The following UTS2B variants were observed in gnomAD, a reference collection of about 807,000 sequenced individuals.
UTS2B encodes urotensin-2B.
A neutral mutation model predicts 19.2 loss-of-function variants in UTS2B; 21 were observed. The ratio of observed to expected loss-of-function variants is 1.09; its 90% CI spans 0.78 to 1.58. The LOEUF is 1.58. Among genes scored for constraint, UTS2B ranks in the 40% most tolerant of loss-of-function variants. The pLI is 0.00. For synonymous variants in UTS2B, 57 were observed against 50.2 expected (o/e 1.14, Z -0.58); for missense variants, 138 against 130.3 (o/e 1.06, Z -0.29).
At chr3:191,330,321 ACAC>A (rs764939843) in intron 1 of UTS2B, 90 bp downstream of exon 1, 52 of 153,214 alleles carry the variant, frequency 3.4e-4, no homozygotes, top group East Asian at 1.2e-3. Context: ...ACACACACAC[ACAC>A]ACACAATAGT....
At chr3:191,296,489 A>G (rs990625025) in intron 4 of UTS2B, among the ~76,000 whole-genome samples, 1 of 152,202 alleles carries the variant, frequency 6.6e-6, no homozygotes, top group Non-Finnish European at 1.5e-5. Flanking sequence ...ACAAGCTTCA[A>G]TATGCCACTG....
chr3:191,280,702 A>G (rs1457411025), intron 5 of UTS2B, among the ~76,000 whole-genome samples: 2 of 152,162 alleles, frequency 1.3e-5, no homozygotes, highest in Non-Finnish European at 2.9e-5. Context: ...GTAATCTAGC[A>G]AATGATTTAG....
chr3:191,292,694 T>A (rs1716751446), intron 4 of UTS2B, among the ~76,000 whole-genome samples: 1 of 152,228 alleles, frequency 6.6e-6, no homozygotes, highest in Non-Finnish European at 1.5e-5. Flanking sequence ...CAATGTTGAA[T>A]AAAAGTGGTG....
chr3:191,329,829 G>T, intron 1 of UTS2B: 1 of 1,185,240 alleles, frequency 8.4e-7, no homozygotes, highest in Non-Finnish European at 1.2e-6. Flanking sequence ...CTCGCCCGGT[G>T]CCCGCCCTGC....
chr3:191,337,684 T>A, the UTS2B span, among the ~76,000 whole-genome samples: 1 of 152,110 alleles, frequency 6.6e-6, no homozygotes, highest in African/African-American at 2.4e-5. Context: ...CCGGTAAATT[T>A]CTGGGGACTT....
At chr3:191,328,242 G>A (rs1201270403) in intron 2 of UTS2B, 1 of 152,176 alleles carries the variant, frequency 6.6e-6, no homozygotes, top group Non-Finnish European at 1.5e-5. Context: ...GTGAGTGACA[G>A]AAAATCAACT....
rs757282627 is a variant in UTS2B at position 191,268,378 on chromosome 3, T to C, written c.*38A>G. On this transcript the variant is annotated 3_prime_UTR_variant, in exon 9 of 9. Transcript: ENST00000340524. ...GAGTGAGTAGATACATATATTTTCC[T>C]GATATTCTTATCTTTTTTTGCATCC... is the stretch of plus-strand genomic sequence containing the variant. 8 of 1,510,020 alleles carry C rather than the reference T, an allele frequency of 5.3e-6. No homozygotes were observed. The highest frequency in any genetic ancestry group is 7.3e-6 in the Non-Finnish European group (8 of 1,099,734). The allele number at this position is 1,510,020 out of a possible 1,614,324, so 93.5% of individuals were successfully genotyped here.
chr3:191,314,164 G>T (rs2108606253), intron 3 of UTS2B, among the ~76,000 whole-genome samples: 1 of 152,240 alleles, frequency 6.6e-6, no homozygotes, highest in South Asian at 2.1e-4. Context: ...CTGGGGTCTG[G>T]TTCAAGGCCC....
intron 4 of UTS2B, among the ~76,000 whole-genome samples, chr3:191,289,362 T>C (rs759263417): frequency 4.0e-5 from 6 of 151,198 alleles, no homozygotes; most frequent in Non-Finnish European, 5.9e-5. Flanking sequence ...TGAGTGGAGA[T>C]TGCGCCACTG....
intron 4 of UTS2B, among the ~76,000 whole-genome samples, chr3:191,293,855 T>C (rs1716781331): frequency 6.6e-6 from 1 of 151,854 alleles, no homozygotes; most frequent in African/African-American, 2.4e-5. Flanking sequence ...CCCAGCACTT[T>C]GAGAAGCCGG....
chr3:191,312,743 C>T (rs572337255), intron 3 of UTS2B, among the ~76,000 whole-genome samples: 4 of 152,266 alleles, frequency 2.6e-5, no homozygotes, highest in Admixed American at 2.6e-4. Flanking sequence ...CTGATCTAAC[C>T]CCAAAACGTC....
chr3:191,302,015 CA>C lies in UTS2B; in HGVS notation c.-125+2476del, dbSNP rs578001784. Among the ~76,000 whole-genome samples the C allele has an allele frequency of 8.3e-4, 127 of 152,204 alleles. 2 individuals carry two copies. The highest frequency in any genetic ancestry group is 2.7e-3 in the African/African-American group (114 of 41,546). On this transcript the variant is annotated intron_variant, in intron 4 of 8. Coordinates refer to ENST00000340524, the MANE Select transcript of UTS2B (RefSeq NM_198152.5). ...GTTGAGGTCTGCTGGGCTGCAATCCCAGGGGGTTAGGCATTCTTAGTCACAG... is the reference window on the plus strand; with the variant it reads ...GTTGAGGTCTGCTGGGCTGCAATCCCGGGGGTTAGGCATTCTTAGTCACAG...
chr3:191,275,167 G>T, intron 8 of UTS2B, 85 bp downstream of exon 8: 2 of 1,005,474 alleles, frequency 2.0e-6, no homozygotes, highest in Non-Finnish European at 3.0e-6. Flanking sequence ...ATTAAGAAAT[G>T]CCAACTGAAT....
intron 8 of UTS2B, among the ~76,000 whole-genome samples, chr3:191,271,774 A>C (rs1303780399): frequency 1.3e-5 from 2 of 152,228 alleles, no homozygotes; most frequent in Non-Finnish European, 2.9e-5. Context: ...GATAACTGCC[A>C]AATGTATATC....
intron 2 of UTS2B, among the ~76,000 whole-genome samples, chr3:191,317,090 C>T (rs1013183653): frequency 6.6e-6 from 1 of 152,214 alleles, no homozygotes; most frequent in Non-Finnish European, 1.5e-5. Context: ...AGGCTCGGGC[C>T]GTGCAGAGCC....
In UTS2B at chr3:191,297,528, C is replaced by T. The variant is rs1394162434; in HGVS notation, c.-125+6964G>A. Reference sequence around the variant, plus strand: ...TCTCTTTTTAGGACAAAATTAATTGCCTCTTCTTTCATATTCTTGTAGCAT... The same window carrying T: ...TCTCTTTTTAGGACAAAATTAATTGTCTCTTCTTTCATATTCTTGTAGCAT... On this transcript the variant is annotated intron_variant, in intron 4 of 8. Coordinates refer to ENST00000340524, the MANE Select transcript of UTS2B (RefSeq NM_198152.5). 3.3e-5 allele frequency among the ~76,000 whole-genome samples: 5 copies of T among 152,146 alleles called. No individual in the cohort carries two copies. In the East Asian group the frequency reaches 7.7e-4, roughly 23 times the overall value.
At chr3:191,335,344 C>T (rs888195069), upstream of UTS2B, among the ~76,000 whole-genome samples, 1 of 152,094 alleles carries the variant, frequency 6.6e-6, no homozygotes, top group Non-Finnish European at 1.5e-5. Context: ...CTGGAAGTGC[C>T]ATTGGATTAA....
chr3:191,277,222 C>A (rs1490310408), intron 6 of UTS2B, among the ~76,000 whole-genome samples: 4 of 151,968 alleles, frequency 2.6e-5, no homozygotes, highest in African/African-American at 2.4e-5. Flanking sequence ...ATAATTCAAT[C>A]GAGAAGAAAA....
chr3:191,286,044 T>C (rs567548916), intron 4 of UTS2B, among the ~76,000 whole-genome samples: 8 of 152,322 alleles, frequency 5.3e-5, no homozygotes, highest in African/African-American at 1.4e-4. Flanking sequence ...AAGGTCACTA[T>C]GTAATGATAA....
Sources: gnomAD v4.1 joint callset for allele counts (sites outside exome capture counted in the v4.1 genomes callset) on GRCh38, gnomAD v4.1.1 for gene constraint, MANE v1.5 for transcripts, NCBI Gene and HGNC (gene_info 2026-07-23, HGNC 2026-07-21) for gene names.